USH2A: variants seen among roughly 807,000 people sequenced by gnomAD.
The protein encoded by USH2A is Usher syndrome 2A (autosomal recessive, mild).
Under a neutral mutation model 538.9 loss-of-function variants are expected in USH2A, and 443 were observed. That is an observed-to-expected ratio of 0.82 (90% CI 0.76 to 0.89). The LOEUF is 0.89. Ranked by LOEUF, USH2A falls within the 40% of genes least tolerant of loss-of-function variation. USH2A has a pLI of 0.00. For missense variants in USH2A, 6,633 were observed against 6,324.8 expected, an observed-to-expected ratio of 1.05 and a Z score of -1.65; for synonymous variants, 2,413 against 2,273.5, an observed-to-expected ratio of 1.06 and a Z score of -1.75.
chr1:216,202,056 G>T (rs375106768), intron 16 of USH2A, among the ~76,000 whole-genome samples: 4 of 152,124 alleles, frequency 2.6e-5, no homozygotes, highest in African/African-American at 9.7e-5. Flanking sequence ...CCACAATAAG[G>T]TTGTTGAAAA....
chr1:216,120,600 C>T (rs944674112), intron 21 of USH2A, among the ~76,000 whole-genome samples: 4 of 151,826 alleles, frequency 2.6e-5, no homozygotes, highest in Admixed American at 1.3e-4. Flanking sequence ...AGGCTGGTCT[C>T]GAACTCCTGA....
At chr1:215,734,203 G>A (rs771699579) in intron 60 of USH2A, among the ~76,000 whole-genome samples, 2 of 152,144 alleles carry the variant, frequency 1.3e-5, no homozygotes, top group Non-Finnish European at 2.9e-5. Flanking sequence ...GCTACCAAGG[G>A]TTTGGTGTAC....
Position 215,888,931 on chromosome 1 carries a change from C to A in USH2A, c.7718G>T (p.Arg2573Leu). 6.2e-7 allele frequency: 1 copy of A among 1,614,088 alleles called. No homozygotes were observed. Residue 2573 changes from arginine (R) to leucine (L), a missense_variant, in exon 41 of 72, where the codon CGT becomes CTT. Transcript: ENST00000307340. ...ATTTCCAGGAGTTCTCAAGTATAGA[C>A]GGCCATGTAGATAAATGTTATAATG... ...ITHYNIYLHG[R>L]LYLRTPGNVT... is the part of the protein sequence containing the mutation.
Position 216,000,524 on chromosome 1 carries a change from C to A in USH2A, c.6364G>T (p.Ala2122Ser), listed in dbSNP as rs142786231. 1.8e-4 allele frequency: 294 copies of A among 1,613,630 alleles called. 2 individuals carry two copies. In the African/African-American group the frequency reaches 3.7e-3, roughly 20 times the overall value. ...VFTPHQFLLS[A>S]CTHVGCTNSS... is the part of the protein sequence containing the mutation. The stretch of plus-strand genomic sequence containing the variant: ...TTTGTACAGCCCACATGTGTGCATG[C>A]ACTTAGTAGAAACTGGTGGGGTGTA... Residue 2122 changes from alanine (A) to serine (S), a missense_variant, in exon 33 of 72, where the codon GCA (alanine) becomes TCA (serine). By Grantham distance (99) the Ala-to-Ser change is moderately conservative. Transcript: ENST00000307340.
intron 14 of USH2A, among the ~76,000 whole-genome samples, chr1:216,223,755 T>G (rs2035506374): frequency 6.6e-6 from 1 of 152,110 alleles, no homozygotes; most frequent in African/African-American, 2.4e-5. Flanking sequence ...CCCTAATTTT[T>G]CCATTATCAC....
intron 62 of USH2A, among the ~76,000 whole-genome samples, chr1:215,675,842 G>A (rs906039351): frequency 1.3e-5 from 2 of 150,500 alleles, no homozygotes; most frequent in African/African-American, 4.9e-5. Context: ...TTTTTTTTCA[G>A]TTTGGGAACT....
intron 43 of USH2A, among the ~76,000 whole-genome samples, chr1:215,876,684 C>T (rs899063905): frequency 1.3e-5 from 2 of 152,144 alleles, no homozygotes; most frequent in Admixed American, 6.5e-5. Context: ...GGAAATGTTA[C>T]AGAGGAGCTG....
intron 50 of USH2A, among the ~76,000 whole-genome samples, chr1:215,796,841 A>AC (rs1662152490): frequency 1.0e-5 from 1 of 97,862 alleles, no homozygotes; most frequent in Admixed American, 1.2e-4. Context: ...CAGTTCTTGA[A>AC]GAAAATCAAA....
chr1:215,778,609 C>T (rs924159035), intron 55 of USH2A, among the ~76,000 whole-genome samples: 10 of 152,140 alleles, frequency 6.6e-5, no homozygotes, highest in Non-Finnish European at 1.3e-4. Flanking sequence ...TTTCCAAGGC[C>T]TTTCTGCACT....
At chr1:215,948,580 A>G (rs1228955942) in intron 37 of USH2A, among the ~76,000 whole-genome samples, 1 of 151,940 alleles carries the variant, frequency 6.6e-6, no homozygotes, top group Non-Finnish European at 1.5e-5. Flanking sequence ...CTCATCAACA[A>G]ATATACAGTA....
At chr1:215,727,584 G>T (rs1477914219) in intron 61 of USH2A, among the ~76,000 whole-genome samples, 2 of 151,962 alleles carry the variant, frequency 1.3e-5, no homozygotes, top group Non-Finnish European at 2.9e-5. Context: ...AAAATTAGTT[G>T]GGCAGTGGTG....
intron 4 of USH2A, among the ~76,000 whole-genome samples, chr1:216,359,387 T>C (rs1239032343): frequency 6.6e-6 from 1 of 152,070 alleles, no homozygotes; most frequent in Non-Finnish European, 1.5e-5. Flanking sequence ...CACATAATTC[T>C]TATAAGATTC....
rs775823422 is a variant in USH2A, at chr1:215,867,026, G to A, written c.8826C>T (p.Asp2942=). 23 of 1,613,968 alleles carry A rather than the reference G, an allele frequency of 1.4e-5. No homozygotes were observed. The highest frequency in any genetic ancestry group is 4.5e-5 in the East Asian group (2 of 44,886). The change falls in exon 44 of 72, where the codon GAC becomes GAT. Residue 2942 remains aspartate (D), a synonymous_variant. Transcript: ENST00000307340. ...ACTTACTTGGTTTAGCCCACCTCAC[G>A]TCGATGGCTGTGTGGTTAAGGACAC... ...TASVLNHTAI[D]VRWAKPTVQD...
intron 61 of USH2A, among the ~76,000 whole-genome samples, chr1:215,702,997 A>T (rs1346114327): frequency 6.6e-6 from 1 of 151,742 alleles, no homozygotes; most frequent in East Asian, 1.9e-4. Context: ...GGGTTGTTTC[A>T]TTGTCTTCCT....
intron 51 of USH2A, 99 bp from the exon 52 acceptor site, chr1:215,786,973 C>T: frequency 1.7e-6 from 2 of 1,144,228 alleles, no homozygotes; most frequent in Non-Finnish European, 2.5e-6. Context: ...GAAATTTTTC[C>T]TCCACTTACT....
intron 35 of USH2A, among the ~76,000 whole-genome samples, chr1:215,972,376 T>TGG (rs752100375): frequency 6.6e-6 from 1 of 152,186 alleles, no homozygotes; most frequent in South Asian, 2.1e-4. Flanking sequence ...CAGCTCTGGT[T>TGG]GGGGCAGCGT....
chr1:216,414,717 TA>T (rs761505181), intron 3 of USH2A, among the ~76,000 whole-genome samples: 6 of 152,128 alleles, frequency 3.9e-5, no homozygotes, highest in Non-Finnish European at 8.8e-5. Flanking sequence ...TTGTATGTTT[TA>T]TTTTTTCACA....
chr1:215,634,181 G>C (rs1043036503), intron 70 of USH2A, among the ~76,000 whole-genome samples: 1 of 152,112 alleles, frequency 6.6e-6, no homozygotes, highest in African/African-American at 2.4e-5. Flanking sequence ...GTGAAGAAAA[G>C]AATACCAATC....
intron 37 of USH2A, among the ~76,000 whole-genome samples, chr1:215,936,928 G>C (rs796835078): frequency 1.9e-4 from 29 of 152,074 alleles, no homozygotes; most frequent in African/African-American, 7.0e-4. Context: ...ATGAAATATG[G>C]GTAGGTCCAA....
Sources: allele counts gnomAD v4.1 joint callset (sites outside exome capture counted in the v4.1 genomes callset), GRCh38; gene constraint gnomAD v4.1.1; transcripts MANE v1.5; gene names NCBI Gene and HGNC (gene_info 2026-07-23, HGNC 2026-07-21).